PDPR: variants seen among roughly 807,000 people sequenced by gnomAD.
The protein encoded by PDPR is pyruvate dehydrogenase phosphatase regulatory subunit, mitochondrial.
A neutral mutation model predicts 102.2 loss-of-function variants in PDPR; 50 were observed. The ratio of observed to expected loss-of-function variants is 0.49; its 90% CI spans 0.39 to 0.62. The LOEUF is 0.62. Ranked by LOEUF, PDPR falls within the 20% of genes least tolerant of loss-of-function variation. The probability of loss-of-function intolerance (pLI) is 0.00; values close to 1 mark genes in which losing one functional copy is unlikely to be tolerated. For synonymous variants in PDPR, 259 were observed against 406.0 expected (o/e 0.64, Z 4.35); for missense variants, 625 against 1,098.2 (o/e 0.57, Z 6.09).
At chr16:70,127,124 G>A (rs1964057936) in intron 3 of PDPR, 136 bp from the exon 4 acceptor site, 22 of 1,502,666 alleles carry the variant, frequency 1.5e-5, no homozygotes, top group Non-Finnish European at 1.9e-5. Context: ...TAAAGTGCTG[G>A]GATTATAAGT....
intron 13 of PDPR, 43 bp from the exon 14 acceptor site, chr16:70,143,467 G>C: frequency 6.2e-7 from 1 of 1,604,752 alleles, no homozygotes; most frequent in African/African-American, 1.3e-5. Context: ...CCAGCCAGGT[G>C]CTCTCACGCT....
chr16:70,147,228 G>A (rs1370793529), intron 16 of PDPR, among the ~76,000 whole-genome samples: 1 of 119,900 alleles, frequency 8.3e-6, no homozygotes, highest in Non-Finnish European at 1.7e-5. Context: ...GAGCCACTGC[G>A]CCCGGCCTTA....
At position 70,127,321 on chromosome 16, in the gene PDPR, A is replaced by G. The variant is rs1964078705; in HGVS notation, c.289A>G (p.Ile97Val). ...GILSTARHLT[I>V]EQKMADYSNK... is the part of the protein sequence containing the mutation. ...CCTGAGCACTGCCAGGCACTTGACC[A>G]TTGAGCAGAAGATGGCAGACTACTC... Residue 97 changes from isoleucine to valine, a missense_variant, in exon 4 of 19, where the codon ATT becomes GTT. By Grantham distance (29) the Ile-to-Val change is conservative. This residue lies in a region of PDPR where 24 missense variants were observed against 61.7 expected (regional missense o/e 0.39). Coordinates refer to ENST00000288050, the MANE Select transcript of PDPR (RefSeq NM_017990.5). 7 of 1,610,248 alleles carry G rather than the reference A, an allele frequency of 4.3e-6. No homozygotes were observed. Among genetic ancestry groups the G allele is most frequent in the South Asian group, 2.2e-5 (2 of 90,864 alleles).
intron 2 of PDPR, among the ~76,000 whole-genome samples, chr16:70,119,281 T>C (rs947402036): frequency 6.6e-6 from 1 of 152,064 alleles, no homozygotes; most frequent in African/African-American, 2.4e-5. Context: ...CTTATAATTC[T>C]ACCATCCGCT....
chr16:70,155,383 G>T (rs1461234330), intron 18 of PDPR, among the ~76,000 whole-genome samples: 1 of 152,184 alleles, frequency 6.6e-6, no homozygotes, highest in Non-Finnish European at 1.5e-5. Flanking sequence ...CTGGCTTCAA[G>T]CGATTCTCCT....
rs932811692 is a variant in PDPR, at chr16:70,159,214, T to C, written c.*2335T>C. The C allele has an allele frequency of 2.6e-5, 4 of 152,372 alleles. No individual in the cohort carries two copies. The highest frequency in any genetic ancestry group is 4.8e-5 in the African/African-American group (2 of 41,480). 9.4% of individuals were successfully genotyped at this position (152,372 alleles called of 1,614,324 possible). ...GACACGTTTTTAATTAGCTGTCCTT[T>C]GTAAGAAGTCAGGAAATCTGATGCT... On this transcript the variant is annotated 3_prime_UTR_variant, in exon 19 of 19. Transcript: ENST00000288050.
intron 9 of PDPR, among the ~76,000 whole-genome samples, chr16:70,134,445 G>A (rs2152087230): frequency 1.3e-5 from 2 of 151,442 alleles, no homozygotes; most frequent in Admixed American, 1.3e-4. Context: ...GGCTGGTCTT[G>A]AACTCCTGAC....
chr16:70,122,148 G>A (rs1452823762), intron 3 of PDPR, among the ~76,000 whole-genome samples: 39 of 152,328 alleles, frequency 2.6e-4, no homozygotes, highest in East Asian at 9.7e-4. Context: ...CACCATGCCC[G>A]GCTAATTTCT....
At chr16:70,120,848 G>A (rs979101904) in intron 3 of PDPR, 129 bp downstream of exon 3, 14 of 644,356 alleles carry the variant, frequency 2.2e-5, no homozygotes, top group South Asian at 2.0e-4. Context: ...AAGAAGCAAG[G>A]TGGAATCTCC....
chr16:70,148,399 C>G, intron 16 of PDPR, 65 bp from the exon 17 acceptor site: 1 of 1,122,038 alleles, frequency 8.9e-7, no homozygotes, highest in Non-Finnish European at 1.3e-6. Context: ...AAAGGTTTCC[C>G]CAGGCGTCCC....
chr16:70,123,333 C>T (rs1348688848), intron 3 of PDPR, among the ~76,000 whole-genome samples: 1 of 152,246 alleles, frequency 6.6e-6, no homozygotes, highest in African/African-American at 2.4e-5. Context: ...GCCTCCTGGG[C>T]TCAAGTGATC....
At chr16:70,133,149 C>G (rs1242533036) in intron 9 of PDPR, among the ~76,000 whole-genome samples, 2 of 125,488 alleles carry the variant, frequency 1.6e-5, no homozygotes, top group South Asian at 2.8e-4. Flanking sequence ...AAGTCTCGCT[C>G]TGTTGCCCAG....
chr16:70,132,245 T>A lies in PDPR; in HGVS notation c.942T>A (p.Thr314=). The A allele has an allele frequency of 6.2e-7, 1 of 1,614,050 alleles. No homozygotes were observed. The change falls in exon 9 of 19, where the codon ACT becomes ACA. Residue 314 remains threonine, a synonymous_variant. Coordinates refer to ENST00000288050, the MANE Select transcript of PDPR (RefSeq NM_017990.5). Reference sequence around the variant, plus strand: ...AGAAGAACCCGAAACCAATTTTCACTGAGGGCAAGAACCAGCTGGAGATTC... The same window carrying A: ...AGAAGAACCCGAAACCAATTTTCACAGAGGGCAAGAACCAGCTGGAGATTC... ...GFEKNPKPIF[T]EGKNQLEIQN...
At chr16:70,133,783 A>T (rs55907965) in intron 9 of PDPR, among the ~76,000 whole-genome samples, 1 of 149,434 alleles carries the variant, frequency 6.7e-6, no homozygotes, top group Non-Finnish European at 1.5e-5. Flanking sequence ...GCCCAGGCTC[A>T]AGTGCAATGG....
chr16:70,151,517 A>G (rs1243528874), intron 17 of PDPR, among the ~76,000 whole-genome samples: 2 of 152,420 alleles, frequency 1.3e-5, no homozygotes, highest in African/African-American at 4.8e-5. Context: ...ACTTGGGAAG[A>G]ATTTAAACAG....
chr16:70,156,415 G>T (rs1272168880), intron 18 of PDPR, 60 bp from the exon 19 acceptor site: 105 of 1,585,880 alleles, frequency 6.6e-5, no homozygotes, highest in Non-Finnish European at 8.8e-5. Context: ...CCACGGTGCT[G>T]CTCTCTGTGC....
chr16:70,145,241 G>T (rs575509966), intron 15 of PDPR, among the ~76,000 whole-genome samples: 3 of 152,296 alleles, frequency 2.0e-5, no homozygotes, highest in Admixed American at 6.5e-5. Flanking sequence ...GGGTTCAAGC[G>T]ATTCTTCTGC....
At position 70,114,849 on chromosome 16, in the gene PDPR, G is replaced by A. The variant is rs1962481470; in HGVS notation, c.-114G>A. The A allele has an allele frequency of 6.6e-6, 1 of 152,324 alleles. No homozygotes were observed. Among genetic ancestry groups the A allele is most frequent in the African/African-American group, 2.4e-5 (1 of 41,474 alleles). 9.4% of individuals were successfully genotyped at this position (152,324 alleles called of 1,614,324 possible). On this transcript the variant is annotated 5_prime_UTR_variant, in exon 2 of 19. Transcript: ENST00000288050. ...GAACTGTTTTCCCGCGTTGAGACGTGCGGTCCGCTTGTGCTTTTAGAACTA... is the reference window on the plus strand; with the variant it reads ...GAACTGTTTTCCCGCGTTGAGACGTACGGTCCGCTTGTGCTTTTAGAACTA...
At chr16:70,128,439 G>A (rs1412789427) in intron 4 of PDPR, among the ~76,000 whole-genome samples, 2 of 152,236 alleles carry the variant, frequency 1.3e-5, no homozygotes, top group African/African-American at 4.8e-5. Context: ...TGCTGGCCAG[G>A]CTGGTCTCAA....
Sources: allele counts gnomAD v4.1 joint callset (sites outside exome capture counted in the v4.1 genomes callset), GRCh38; gene constraint gnomAD v4.1.1; regional missense constraint gnomAD v4.1.1; transcripts MANE v1.5; gene names NCBI Gene and HGNC (gene_info 2026-07-23, HGNC 2026-07-21).